The following SBK1 variants were observed in gnomAD, a reference collection of about 807,000 sequenced individuals.
SBK1 encodes SH3 domain binding kinase 1.
Under a neutral mutation model 24.4 loss-of-function variants are expected in SBK1, and 11 were observed. That is an observed-to-expected ratio of 0.45 (90% CI 0.28 to 0.75). SBK1 has a LOEUF of 0.75. Ranked by LOEUF, SBK1 falls within the 30% of genes least tolerant of loss-of-function variation. SBK1 has a pLI of 0.12. For synonymous variants in SBK1, 308 were observed against 284.4 expected (o/e 1.08, Z -0.83); for missense variants, 467 against 620.5 (o/e 0.75, Z 2.63).
Position 28,322,901 on chromosome 16 carries a change from GCTCT to G in SBK1, c.*1988_*1991del, listed in dbSNP as rs1176992512. On this transcript the variant is annotated 3_prime_UTR_variant, in exon 4 of 4. Transcript: ENST00000341901. ...ACAGTAGACGTCCCTTGCCGTGCTC[GCTCT>G]CTCTCTCGCGCGCGCTCTCTCTCTC... 3 of 124,094 alleles carry G rather than the reference GCTCT, an allele frequency of 2.4e-5. No homozygotes were observed. The highest frequency in any genetic ancestry group is 6.3e-5 in the African/African-American group (2 of 31,676). 7.7% of individuals were successfully genotyped at this position (124,094 alleles called of 1,614,324 possible).
rs752558919 is a variant in SBK1, at chr16:28,320,231, C to T, written c.585C>T (p.Phe195=). 4.4e-6 allele frequency: 7 copies of T among 1,592,576 alleles called. No individual in the cohort carries two copies. The highest frequency in any genetic ancestry group is 2.2e-5 in the East Asian group (1 of 44,458). Reference sequence around the variant, plus strand: ...GCCGCCGCGTAAAGCTGGCCGACTTCGGCATGACGCGCCGCGTGGGCTGCC... The same window carrying T: ...GCCGCCGCGTAAAGCTGGCCGACTTTGGCATGACGCGCCGCGTGGGCTGCC... ...RECRRVKLAD[F]GMTRRVGCRV... is the part of the protein sequence containing the mutation. Residue 195 remains phenylalanine, a synonymous_variant, in exon 4 of 4, where the codon TTC becomes TTT. Coordinates refer to ENST00000341901, the MANE Select transcript of SBK1 (RefSeq NM_001024401.3). The surrounding 1 kb of genome is among the most constrained non-coding windows in gnomAD (Gnocchi z 8.5).
At chr16:28,272,619 C>CTTTTTTTTTTTTTTTTT (rs71140961) in intron 1 of SBK1, among the ~76,000 whole-genome samples, 27 of 105,966 alleles carry the variant, frequency 2.5e-4, no homozygotes, top group Non-Finnish European at 4.2e-4. Flanking sequence ...TTCTTTCTTT[C>CTTTTTTTTTTTTTTTTT]TTTTTTTTTT....
In SBK1 at chr16:28,292,991, C is replaced by T; in HGVS notation, c.-317C>T. On this transcript the variant is annotated 5_prime_UTR_variant, in exon 1 of 4. Transcript: ENST00000341901. ...ACCCCCTCCCAAGATCCGGTCATTA[C>T]AACTCCACACCTCAAGACAAGAAGA... 5.1e-6 allele frequency: 5 copies of T among 985,400 alleles called. No homozygotes were observed. Among genetic ancestry groups the T allele is most frequent in the Non-Finnish European group, 6.0e-6 (5 of 829,900 alleles). The allele number at this position is 985,400 out of a possible 1,614,324, so 61.0% of individuals were successfully genotyped here.
chr16:28,311,172 C>G (rs775523370), intron 1 of SBK1, among the ~76,000 whole-genome samples: 4 of 152,126 alleles, frequency 2.6e-5, no homozygotes, highest in Admixed American at 6.5e-5. Context: ...GGGGTGAATC[C>G]GATCCAGCCC....
At chr16:28,314,324 CTTTT>C (rs11462703) in intron 1 of SBK1, among the ~76,000 whole-genome samples, 1 of 94,480 alleles carries the variant, frequency 1.1e-5, no homozygotes, top group East Asian at 2.9e-4. Flanking sequence ...ACCCAGCTAA[CTTTT>C]TTTTTTTTTT....
intron 1 of SBK1, among the ~76,000 whole-genome samples, chr16:28,295,353 TC>T (rs151120868): frequency 6.6e-6 from 1 of 152,200 alleles, no homozygotes; most frequent in East Asian, 1.9e-4. Context: ...CACGTGCTCT[TC>T]CCCTGACCTG....
rs982019248 is a variant in SBK1 at position 28,263,200 on chromosome 16, C to T, written c.257+3698C>T. ...ATTCATTCATTCACTCAACAAATTT[C>T]GTTGCATAGCTTTTGTGGGCTAGCA... On this transcript the variant is annotated intron_variant, in intron 1 of 3. Coordinates refer to the SBK1 transcript ENST00000671413. Among the ~76,000 whole-genome samples the T allele has an allele frequency of 7.2e-5, 11 of 152,168 alleles. 1 individual carries two copies. Among genetic ancestry groups the T allele is most frequent in the East Asian group, 5.8e-4 (3 of 5,204 alleles).
chr16:28,291,233 C>G (rs1238246311), upstream of SBK1: 1 of 152,126 alleles, frequency 6.6e-6, no homozygotes, highest in African/African-American at 2.4e-5. Flanking sequence ...TGGAAACCAT[C>G]ATTCTCAGCA....
chr16:28,274,705 T>C (rs997131959), intron 1 of SBK1, among the ~76,000 whole-genome samples: 9 of 151,984 alleles, frequency 5.9e-5, no homozygotes, highest in African/African-American at 1.9e-4. Context: ...CTAAAACTAC[T>C]CTAAAATATA....
chr16:28,302,215 C>T (rs934832297), intron 1 of SBK1, among the ~76,000 whole-genome samples: 7 of 152,318 alleles, frequency 4.6e-5, no homozygotes, highest in South Asian at 2.1e-4. Flanking sequence ...GAGGGGCTGG[C>T]CAGGGATGAC....
At chr16:28,311,093 A>G (rs994776686) in intron 1 of SBK1, among the ~76,000 whole-genome samples, 9 of 152,102 alleles carry the variant, frequency 5.9e-5, no homozygotes, top group African/African-American at 2.2e-4. Context: ...GAAGGAGAAG[A>G]AGGAGGGAGG....
chr16:28,291,357 T>C (rs1597018451), upstream of SBK1: 1 of 141,794 alleles, frequency 7.1e-6, no homozygotes, highest in South Asian at 2.2e-4. Flanking sequence ...GGGACTGTTG[T>C]GGGGTGGGGG....
chr16:28,296,020 G>A (rs2044637342), intron 1 of SBK1, among the ~76,000 whole-genome samples: 1 of 150,822 alleles, frequency 6.6e-6, no homozygotes, highest in Non-Finnish European at 1.5e-5. Context: ...CCAGCCCCTG[G>A]GTTCAAGTGA....
At position 28,293,282 on chromosome 16, in the gene SBK1, C is replaced by T. The variant is rs1252665387; in HGVS notation, c.-26C>T. On this transcript the variant is annotated 5_prime_UTR_variant, in exon 1 of 4. Transcript: ENST00000341901. ...GCGCCCAGGCCCCCTGCCGCGGCGT[C>T]CCCGCGGCCCCAGCCCAGGTAAGCC... 4.1e-6 allele frequency: 4 copies of T among 985,352 alleles called. No homozygotes were observed. The highest frequency in any genetic ancestry group is 3.5e-5 in the African/African-American group (2 of 57,244). 61.0% of individuals were successfully genotyped at this position (985,352 alleles called of 1,614,324 possible).
At chr16:28,302,589 G>T (rs896660496) in intron 1 of SBK1, among the ~76,000 whole-genome samples, 1 of 152,144 alleles carries the variant, frequency 6.6e-6, no homozygotes, top group Non-Finnish European at 1.5e-5. Flanking sequence ...GCGGGCAGGT[G>T]CCACCCCTCC....
intron 1 of SBK1, among the ~76,000 whole-genome samples, chr16:28,309,590 G>C (rs912410341): frequency 5.9e-5 from 9 of 152,156 alleles, no homozygotes; most frequent in Non-Finnish European, 1.2e-4. Flanking sequence ...CCTCAATTAA[G>C]CTATTTTTTC....
In SBK1 at chr16:28,320,465, C is replaced by T; in HGVS notation, c.819C>T (p.Arg273=). The change falls in exon 4 of 4, where the codon CGC becomes CGT. Residue 273 remains arginine, a synonymous_variant. Coordinates refer to ENST00000341901, the MANE Select transcript of SBK1 (RefSeq NM_001024401.3). The surrounding 1 kb of genome is among the most constrained non-coding windows in gnomAD (Gnocchi z 8.5). ...AGTTCGTGCGCTGGCAGCGGGGCCG[C>T]CTGCCGGGGCTGCCTTCGCAGTGGC... ...FEEFVRWQRG[R]LPGLPSQWRR... 1.3e-6 allele frequency: 2 copies of T among 1,574,878 alleles called. No individual in the cohort carries two copies. Among genetic ancestry groups the T allele is most frequent in the Non-Finnish European group, 1.7e-6 (2 of 1,167,706 alleles).
At chr16:28,318,588 A>G (rs1414039472) in intron 2 of SBK1, among the ~76,000 whole-genome samples, 2 of 152,254 alleles carry the variant, frequency 1.3e-5, no homozygotes, top group African/African-American at 4.8e-5. Flanking sequence ...ATGCTTGCCC[A>G]GGCACAGAGT....
chr16:28,268,569 C>A (rs1030387257), intron 1 of SBK1, among the ~76,000 whole-genome samples: 7 of 151,894 alleles, frequency 4.6e-5, no homozygotes, highest in African/African-American at 1.7e-4. Flanking sequence ...TCGAGACCAG[C>A]CTGGCCAAAA....
Sources: allele counts gnomAD v4.1 joint callset (sites outside exome capture counted in the v4.1 genomes callset), GRCh38; gene constraint gnomAD v4.1.1; non-coding constraint Gnocchi (gnomAD v3.1); transcripts MANE v1.5; gene names NCBI Gene and HGNC (gene_info 2026-07-23, HGNC 2026-07-21).